CADPS: variants seen among roughly 807,000 people sequenced by gnomAD.
The protein encoded by CADPS is calcium-dependent secretion activator 1.
CADPS carries 57 observed loss-of-function variants against 167.3 expected under a neutral mutation model. The observed-to-expected ratio is 0.34, with a 90% CI of 0.28 to 0.42. The LOEUF (loss-of-function observed/expected upper bound fraction) is 0.42. CADPS is among the 20% of genes least tolerant of loss of function. CADPS has a pLI of 1.00. For missense variants in CADPS, 1,414 were observed against 1,738.1 expected (o/e 0.81, Z 3.32); for synonymous variants, 676 against 635.3 (o/e 1.06, Z -0.96).
intron 2 of CADPS, among the ~76,000 whole-genome samples, chr3:62,758,259 A>C (rs2084486721): frequency 6.6e-6 from 1 of 152,192 alleles, no homozygotes; most frequent in African/African-American, 2.4e-5. Context: ...GAAGACTTTG[A>C]AAAGTGGAGG....
At chr3:62,586,681 A>C (rs2084715592) in intron 7 of CADPS, among the ~76,000 whole-genome samples, 1 of 152,252 alleles carries the variant, frequency 6.6e-6, no homozygotes, top group Non-Finnish European at 1.5e-5. Flanking sequence ...ATTGAAATAC[A>C]GAAAAGCCTG....
At chr3:62,638,230 C>A (rs1483867652) in intron 6 of CADPS, among the ~76,000 whole-genome samples, 1 of 151,926 alleles carries the variant, frequency 6.6e-6, no homozygotes, top group African/African-American at 2.4e-5. Context: ...GTCCATGACA[C>A]CATACTGCTT....
At chr3:62,580,826 T>C (rs1022188102) in intron 8 of CADPS, among the ~76,000 whole-genome samples, 5 of 152,112 alleles carry the variant, frequency 3.3e-5, no homozygotes, top group African/African-American at 1.2e-4. Flanking sequence ...TCTAAATCAG[T>C]TAGTTTAGTA....
At chr3:62,807,481 C>G (rs2152842598) in intron 1 of CADPS, among the ~76,000 whole-genome samples, 1 of 152,112 alleles carries the variant, frequency 6.6e-6, no homozygotes, top group Admixed American at 6.5e-5. Context: ...AAGCTGGTCT[C>G]ACACTCAGGA....
At chr3:62,551,660 C>T (rs775503979) in intron 10 of CADPS, among the ~76,000 whole-genome samples, 9 of 152,196 alleles carry the variant, frequency 5.9e-5, no homozygotes, top group Non-Finnish European at 8.8e-5. Context: ...CTAACCTCCT[C>T]TCCTAATACT....
At chr3:62,491,274 A>C (rs1448027472) in intron 21 of CADPS, 65 bp downstream of exon 21, 9 of 1,505,058 alleles carry the variant, frequency 6.0e-6, no homozygotes, top group Admixed American at 1.8e-5. Context: ...TCATTAATCC[A>C]TTTCTGTATT....
intron 1 of CADPS, among the ~76,000 whole-genome samples, chr3:62,862,576 T>C (rs1015854536): frequency 1.3e-5 from 2 of 152,168 alleles, no homozygotes; most frequent in African/African-American, 4.8e-5. Context: ...TCATTTATTA[T>C]ATAGACAAAT....
chr3:62,578,348 C>T (rs554562477), intron 8 of CADPS, among the ~76,000 whole-genome samples: 20 of 152,028 alleles, frequency 1.3e-4, no homozygotes, highest in Admixed American at 5.2e-4. Flanking sequence ...TGGTGGCTCA[C>T]GCCTGTAATC....
At chr3:62,738,139 C>T (rs1248540488) in intron 3 of CADPS, among the ~76,000 whole-genome samples, 1 of 152,148 alleles carries the variant, frequency 6.6e-6, no homozygotes, top group Non-Finnish European at 1.5e-5. Context: ...TCCAGTCTTA[C>T]ACACCTATTT....
At chr3:62,436,351 CTG>C (rs2055044424) in intron 28 of CADPS, among the ~76,000 whole-genome samples, 2 of 152,062 alleles carry the variant, frequency 1.3e-5, no homozygotes, top group Admixed American at 6.6e-5. Flanking sequence ...CCACATAAAA[CTG>C]AGAATCGGAA....
intron 8 of CADPS, among the ~76,000 whole-genome samples, chr3:62,583,291 T>C (rs1047844085): frequency 3.3e-5 from 5 of 152,076 alleles, no homozygotes; most frequent in African/African-American, 1.2e-4. Context: ...TTCTCTTGTG[T>C]ACTACAGAAA....
chr3:62,867,140 C>T (rs1049459672), intron 1 of CADPS, among the ~76,000 whole-genome samples: 1 of 151,968 alleles, frequency 6.6e-6, no homozygotes, highest in African/African-American at 2.4e-5. Context: ...TAGTCAATAT[C>T]ATAGTCAGTA....
At chr3:62,632,507 T>C (rs2065474868) in intron 6 of CADPS, among the ~76,000 whole-genome samples, 2 of 152,242 alleles carry the variant, frequency 1.3e-5, no homozygotes, top group South Asian at 4.2e-4. Flanking sequence ...GGGTCCAAGA[T>C]TCCACCGTAG....
intron 6 of CADPS, among the ~76,000 whole-genome samples, chr3:62,603,939 G>A (rs572033257): frequency 6.6e-6 from 1 of 151,702 alleles, no homozygotes. Context: ...CCATTCTCCT[G>A]CCTCAGCTTC....
At chr3:62,519,320 T>C (rs950309911) in intron 13 of CADPS, among the ~76,000 whole-genome samples, 1 of 152,190 alleles carries the variant, frequency 6.6e-6, no homozygotes, top group African/African-American at 2.4e-5. Flanking sequence ...GGATCCAGCA[T>C]AAGTTGGGAA....
intron 3 of CADPS, among the ~76,000 whole-genome samples, chr3:62,675,754 C>G (rs562458885): frequency 6.6e-6 from 1 of 152,242 alleles, no homozygotes; most frequent in African/African-American, 2.4e-5. Flanking sequence ...AGACAGATGA[C>G]TTCTTATCTC....
chr3:62,425,416 A>G (rs1367592533), intron 28 of CADPS, among the ~76,000 whole-genome samples: 1 of 152,188 alleles, frequency 6.6e-6, no homozygotes, highest in Non-Finnish European at 1.5e-5. Context: ...ACTGCTCTAA[A>G]TTAGTGGTTC....
chr3:62,833,783 T>A (rs761374012), intron 1 of CADPS, among the ~76,000 whole-genome samples: 9 of 151,998 alleles, frequency 5.9e-5, no homozygotes, highest in African/African-American at 1.9e-4. Context: ...CAAAACAGAG[T>A]GTCTCCATCT....
intron 13 of CADPS, among the ~76,000 whole-genome samples, chr3:62,529,114 T>C (rs2073048547): frequency 6.6e-6 from 1 of 152,156 alleles, no homozygotes. Flanking sequence ...TGAGCTGAGA[T>C]CATGCCATTG....
Sources: gnomAD v4.1 joint callset for allele counts (sites outside exome capture counted in the v4.1 genomes callset) on GRCh38, gnomAD v4.1.1 for gene constraint, MANE v1.5 for transcripts, NCBI Gene and HGNC (gene_info 2026-07-23, HGNC 2026-07-21) for gene names.